The following MYT1L variants were observed in gnomAD, a reference collection of about 807,000 sequenced individuals.
MYT1L encodes the protein myelin transcription factor 1-like protein.
Under a neutral mutation model 126.7 loss-of-function variants are expected in MYT1L, and 12 were observed. The observed-to-expected ratio is 0.09, with a 90% CI of 0.06 to 0.15. The LOEUF is 0.15. Ranked by LOEUF, MYT1L falls within the 10% of genes least tolerant of loss-of-function variation. MYT1L has a pLI of 1.00. For synonymous variants in MYT1L, 541 were observed against 604.2 expected, an observed-to-expected ratio of 0.90 and a Z score of 1.53; for missense variants, 979 against 1,585.2, an observed-to-expected ratio of 0.62 and a Z score of 6.49.
At chr2:1,911,340 C>A (rs986025291) in intron 12 of MYT1L, among the ~76,000 whole-genome samples, 6 of 152,082 alleles carry the variant, frequency 3.9e-5, no homozygotes, top group Non-Finnish European at 7.4e-5. Flanking sequence ...AAACCATAGA[C>A]TGTAAGACAA....
At chr2:2,057,323 T>C (rs1192249250) in intron 3 of MYT1L, among the ~76,000 whole-genome samples, 1 of 150,258 alleles carries the variant, frequency 6.7e-6, no homozygotes, top group Non-Finnish European at 1.5e-5. Flanking sequence ...CCACGCCCAC[T>C]CCCTGCCCTT....
chr2:2,024,933 G>A (rs1367777683), intron 4 of MYT1L, among the ~76,000 whole-genome samples: 1 of 152,234 alleles, frequency 6.6e-6, no homozygotes. Context: ...GACGCGTTCC[G>A]CCTGTCCCAC....
intron 1 of MYT1L, among the ~76,000 whole-genome samples, chr2:2,292,771 G>C (rs575385600): frequency 3.2e-4 from 48 of 152,230 alleles, no homozygotes; most frequent in African/African-American, 1.1e-3. Context: ...TTGCTTCCAA[G>C]GAATCAGACG....
intron 2 of MYT1L, among the ~76,000 whole-genome samples, chr2:2,218,970 T>C (rs188913195): frequency 2.0e-5 from 3 of 152,288 alleles, no homozygotes; most frequent in Admixed American, 6.5e-5. Flanking sequence ...CATTCCATCA[T>C]TTGAAATAAG....
Position 2,257,495 on chromosome 2 carries a change from C to G in MYT1L, c.-421+26909G>C, listed in dbSNP as rs568836025. 9.9e-5 allele frequency among the ~76,000 whole-genome samples: 15 copies of G among 152,220 alleles called. No homozygotes were observed. In the East Asian group the frequency reaches 1.9e-3, roughly 20 times the overall value. ...ATGAGGAGAGATGCCATTCAAGGAA[C>G]AGAAAACCTTACCAGACAGGAAAAG... On this transcript the variant is annotated intron_variant, in intron 2 of 24. Coordinates refer to ENST00000647738, the MANE Select transcript of MYT1L (RefSeq NM_001303052.2).
chr2:1,930,722 T>G (rs34883884), intron 9 of MYT1L, among the ~76,000 whole-genome samples: 4,383 of 152,334 alleles, frequency 0.029, 93 homozygotes, highest in Non-Finnish European at 0.046. Flanking sequence ...ATGAATGCTG[T>G]CTGGAATATG....
intron 13 of MYT1L, among the ~76,000 whole-genome samples, chr2:1,904,825 G>A (rs370304802): frequency 2.7e-5 from 4 of 149,370 alleles, no homozygotes; most frequent in African/African-American, 5.0e-5. Context: ...ACAGAGTCTC[G>A]CTCTGTCCCC....
intron 3 of MYT1L, among the ~76,000 whole-genome samples, chr2:2,111,159 C>A (rs766640973): frequency 6.6e-6 from 1 of 152,178 alleles, no homozygotes; most frequent in African/African-American, 2.4e-5. Context: ...AGTACCCCAG[C>A]GTCAGCACAG....
At chr2:2,175,917 G>A (rs530526633) in intron 2 of MYT1L, among the ~76,000 whole-genome samples, 4 of 152,204 alleles carry the variant, frequency 2.6e-5, no homozygotes, top group South Asian at 2.1e-4. Flanking sequence ...CTCCTTGCTC[G>A]GGGGCTGGGT....
intron 8 of MYT1L, among the ~76,000 whole-genome samples, chr2:1,945,703 C>A (rs2057147796): frequency 6.6e-6 from 1 of 152,146 alleles, no homozygotes; most frequent in Non-Finnish European, 1.5e-5. Context: ...CTGAATCTGG[C>A]ACCTGCTAGG....
intron 24 of MYT1L, 64 bp downstream of exon 24, chr2:1,792,257 A>T (rs1343966680): frequency 1.3e-6 from 2 of 1,492,620 alleles, no homozygotes; most frequent in African/African-American, 2.8e-5. Flanking sequence ...TAAAAACGGC[A>T]TCTACTTTAG....
chr2:1,896,979 A>T (rs2049671886), intron 14 of MYT1L, among the ~76,000 whole-genome samples: 1 of 152,194 alleles, frequency 6.6e-6, no homozygotes, highest in South Asian at 2.1e-4. Context: ...AATTCATAAG[A>T]TGCTACAACT....
intron 3 of MYT1L, among the ~76,000 whole-genome samples, chr2:2,119,754 G>A (rs2080731535): frequency 6.6e-6 from 1 of 152,070 alleles, no homozygotes; most frequent in Non-Finnish European, 1.5e-5. Flanking sequence ...AAATACTCAA[G>A]TATACAAAAC....
intron 13 of MYT1L, among the ~76,000 whole-genome samples, chr2:1,908,329 C>G (rs767136147): frequency 2.6e-5 from 4 of 152,180 alleles, no homozygotes; most frequent in Non-Finnish European, 5.9e-5. Context: ...AATCCCCACT[C>G]TGTGCTGGCC....
At chr2:2,096,047 G>A (rs1450221183) in intron 3 of MYT1L, among the ~76,000 whole-genome samples, 1 of 152,148 alleles carries the variant, frequency 6.6e-6, no homozygotes, top group Non-Finnish European at 1.5e-5. Context: ...CTTAATAATT[G>A]AGCTCATAAT....
At chr2:1,872,754 C>T (rs1429625978) in intron 18 of MYT1L, among the ~76,000 whole-genome samples, 2 of 152,324 alleles carry the variant, frequency 1.3e-5, no homozygotes, top group East Asian at 1.9e-4. Context: ...TGGGCTGGTT[C>T]TTACCTGTCT....
At position 1,979,853 on chromosome 2, in the gene MYT1L, C is replaced by T; in HGVS notation, c.1-76G>A. ...AGCCCTGCAGGGGCGGCTCACTCTC[C>T]CTGGCATTCTATTAATGGGGCTTTA... is the stretch of plus-strand genomic sequence containing the variant. On this transcript the variant is annotated intron_variant, in intron 5 of 24. Coordinates refer to ENST00000647738, the MANE Select transcript of MYT1L (RefSeq NM_001303052.2). The surrounding 1 kb of genome is among the most constrained non-coding windows in gnomAD (Gnocchi z 4.0). The T allele has an allele frequency of 6.9e-7, 1 of 1,455,282 alleles. No individual in the cohort carries two copies. The highest frequency in any genetic ancestry group is 1.7e-5 in the Admixed American group (1 of 58,406). The allele number at this position is 1,455,282 out of a possible 1,614,324, so 90.1% of individuals were successfully genotyped here.
In MYT1L at chr2:1,889,371, G is replaced by T. The variant is rs750013534; in HGVS notation, c.2390C>A (p.Ser797Tyr). Residue 797 changes from serine (S) to tyrosine (Y), a missense_variant, in exon 16 of 25, where the codon TCC becomes TAC. Ser to Tyr is a moderately radical substitution (Grantham distance 144). Coordinates refer to ENST00000647738, the MANE Select transcript of MYT1L (RefSeq NM_001303052.2). The surrounding 1 kb of genome is among the most constrained non-coding windows in gnomAD (Gnocchi z 4.1). ...CPILTPLEPM[S>Y]PQQQAVMNNR... ...GTTCATCACTGCCTGCTGCTGGGGG[G>T]ACATGGGCTCCAGAGGGGTCAGGAT... 11 of 1,613,924 alleles carry T rather than the reference G, an allele frequency of 6.8e-6. No homozygotes were observed. Among genetic ancestry groups the T allele is most frequent in the East Asian group, 2.2e-5 (1 of 44,864 alleles).
chr2:2,231,796 C>G (rs780379393), intron 2 of MYT1L, among the ~76,000 whole-genome samples: 27 of 152,124 alleles, frequency 1.8e-4, no homozygotes, highest in Non-Finnish European at 3.8e-4. Context: ...ACAATGACAA[C>G]TTAAGGACTC....
Sources: gnomAD v4.1 joint callset for allele counts (sites outside exome capture counted in the v4.1 genomes callset) on GRCh38, gnomAD v4.1.1 for gene constraint, Gnocchi (gnomAD v3.1) non-coding constraint, MANE v1.5 for transcripts, NCBI Gene and HGNC (gene_info 2026-07-23, HGNC 2026-07-21) for gene names.